The following CNBD1 variants were observed in gnomAD, a reference collection of about 807,000 sequenced individuals.
CNBD1 encodes cyclic nucleotide binding domain containing 1.
CNBD1 carries 71 observed loss-of-function variants against 54.4 expected under a neutral mutation model. The observed-to-expected ratio is 1.30, with a 90% confidence interval of 1.08 to 1.59. The LOEUF is 1.59. Among genes scored for constraint, CNBD1 ranks in the 40% most tolerant of loss-of-function variants. The pLI is 0.00. For synonymous variants in CNBD1, 182 were observed against 170.7 expected, an observed-to-expected ratio of 1.07 and a Z score of -0.51; for missense variants, 659 against 518.0, an observed-to-expected ratio of 1.27 and a Z score of -2.64.
At chr8:87,068,196 G>A (rs1810692066) in intron 4 of CNBD1, among the ~76,000 whole-genome samples, 5 of 152,090 alleles carry the variant, frequency 3.3e-5, no homozygotes, top group Admixed American at 2.6e-4. Flanking sequence ...GTAGATGAAT[G>A]TTATCTTACT....
chr8:87,356,582 G>A (rs1019337603), intron 10 of CNBD1, among the ~76,000 whole-genome samples: 1 of 151,830 alleles, frequency 6.6e-6, no homozygotes, highest in African/African-American at 2.4e-5. Flanking sequence ...ATTAGTGTGG[G>A]TGCATCCAAC....
Position 87,374,876 on chromosome 8 carries a change from GA to G in CNBD1, c.1304-7742del, listed in dbSNP as rs1810893691. 2.0e-5 allele frequency among the ~76,000 whole-genome samples: 3 copies of G among 151,812 alleles called. No individual in the cohort carries two copies. The South Asian group carries it at 6.2e-4, about 31-fold the overall frequency. ...TGTAAGTGACAAATAAACATTTGTT[GA>G]ATTAAGCAACCAAGATTTTAGTTTG... is the stretch of plus-strand genomic sequence containing the variant. On this transcript the variant is annotated intron_variant, in intron 10 of 10. Coordinates refer to ENST00000518476, the MANE Select transcript of CNBD1 (RefSeq NM_173538.3).
rs1397901235 is a variant in CNBD1 at position 86,882,398 on chromosome 8, G to A, written c.89-5144G>A. ...ACATTTCTCAAAAGAAGACATAAAT[G>A]TGGCCAACAATCATATGGAAAAAAG... On this transcript the variant is annotated intron_variant, in intron 1 of 10. Transcript: ENST00000518476. Among the ~76,000 whole-genome samples the A allele has an allele frequency of 2.0e-5, 3 of 152,238 alleles. No individual in the cohort carries two copies. In the East Asian group the frequency reaches 5.8e-4, roughly 29 times the overall value.
At chr8:87,357,914 G>A (rs942537441) in intron 10 of CNBD1, among the ~76,000 whole-genome samples, 1 of 152,090 alleles carries the variant, frequency 6.6e-6, no homozygotes, top group Non-Finnish European at 1.5e-5. Flanking sequence ...TAAAGGGCTT[G>A]GCTTCATCTT....
intron 4 of CNBD1, among the ~76,000 whole-genome samples, chr8:87,091,793 A>G (rs1483936709): frequency 1.5e-5 from 2 of 133,028 alleles, no homozygotes; most frequent in African/African-American, 6.5e-5. Flanking sequence ...GCAATTTTAC[A>G]TAAATTTTTT....
Position 87,031,477 on chromosome 8 carries a change from C to A in CNBD1, c.431+91723C>A, listed in dbSNP as rs537587076. On this transcript the variant is annotated intron_variant, in intron 4 of 10. Coordinates refer to ENST00000518476, the MANE Select transcript of CNBD1 (RefSeq NM_173538.3). ...ATTAGTGGCTAGAATTGAGAGAAGC[C>A]TATGCAAGCATTTTCCACTATTTTT... Among the ~76,000 whole-genome samples the A allele has an allele frequency of 3.3e-5, 5 of 152,094 alleles. No homozygotes were observed. The East Asian group carries it at 9.7e-4, about 29-fold the overall frequency.
chr8:87,138,442 C>A (rs1812303774), intron 4 of CNBD1, among the ~76,000 whole-genome samples: 1 of 152,190 alleles, frequency 6.6e-6, no homozygotes, highest in African/African-American at 2.4e-5. Flanking sequence ...AGAAACAAGG[C>A]AAATTCATTT....
chr8:87,373,384 G>A (rs1440060809), intron 10 of CNBD1, among the ~76,000 whole-genome samples: 3 of 151,782 alleles, frequency 2.0e-5, no homozygotes, highest in African/African-American at 7.2e-5. Context: ...CTGCTAGGCA[G>A]AATTTTTTAA....
At chr8:87,409,074 A>C (rs1323952208) in intron 2 of CNBD1, among the ~76,000 whole-genome samples, 1 of 152,156 alleles carries the variant, frequency 6.6e-6, no homozygotes, top group Non-Finnish European at 1.5e-5. Context: ...AAAATGTAGA[A>C]ATGATTAAGC....
In CNBD1 at chr8:87,322,373, C is replaced by T. The variant is rs1193845914; in HGVS notation, c.1043-29312C>T. 6.4e-4 allele frequency among the ~76,000 whole-genome samples: 76 copies of T among 118,636 alleles called. 1 individual carries two copies. The East Asian group carries it at 0.015, about 23-fold the overall frequency. The allele number at this position is 118,636 out of a possible 152,430, so 77.8% of individuals were successfully genotyped here. A position where few individuals can be genotyped will look rare whatever the true frequency, so the allele number is the denominator to read the frequency against. ...TTCTAGTTCTAGATCCCTGAGGAATCGCCACACTGACTTCCACAATGGTTG... is the reference window on the plus strand; with the variant it reads ...TTCTAGTTCTAGATCCCTGAGGAATTGCCACACTGACTTCCACAATGGTTG... On this transcript the variant is annotated intron_variant, in intron 8 of 10. Coordinates refer to ENST00000518476, the MANE Select transcript of CNBD1 (RefSeq NM_173538.3).
intron 10 of CNBD1, among the ~76,000 whole-genome samples, chr8:87,367,121 T>G (rs1483808617): frequency 6.6e-6 from 1 of 152,050 alleles, no homozygotes; most frequent in Admixed American, 6.6e-5. Flanking sequence ...ACACATGAGA[T>G]TATATGTGGC....
At position 87,410,269 on chromosome 8, in the gene CNBD1, G is replaced by A. The variant is rs188877874; in HGVS notation, c.214-18277G>A. On this transcript the variant is annotated intron_variant, in intron 2 of 7. Coordinates refer to the CNBD1 transcript ENST00000521593. ...AGCCCAAGGATTGAAAAGTAATTTC[G>A]ATTTTCAAGTCATATTATTTAAAAA... is the stretch of plus-strand genomic sequence containing the variant. Among the ~76,000 whole-genome samples, 346 of 152,176 alleles carry A rather than the reference G, an allele frequency of 2.3e-3. 5 individuals carry two copies. The highest frequency in any genetic ancestry group is 2.2e-3 in the Non-Finnish European group (149 of 67,988).
rs1366651347 is a variant in CNBD1 at position 87,369,848 on chromosome 8, G to A, written c.1304-12772G>A. Among the ~76,000 whole-genome samples the A allele has an allele frequency of 2.0e-5, 3 of 151,978 alleles. No homozygotes were observed. The East Asian group carries it at 5.9e-4, about 30-fold the overall frequency. ...CCATTAACTAGTCATTTAGCATTAGGTATATCTCCTATATGCTATCCCTCC... is the reference window on the plus strand; with the variant it reads ...CCATTAACTAGTCATTTAGCATTAGATATATCTCCTATATGCTATCCCTCC... On this transcript the variant is annotated intron_variant, in intron 10 of 10. Transcript: ENST00000518476.
intron 6 of CNBD1, among the ~76,000 whole-genome samples, chr8:87,245,779 AT>A (rs1259392923): frequency 1.2e-4 from 19 of 152,024 alleles, no homozygotes; most frequent in South Asian, 2.1e-4. Flanking sequence ...TAGTGATATA[AT>A]TTTTTAATAT....
intron 6 of CNBD1, among the ~76,000 whole-genome samples, chr8:87,237,678 T>C (rs1196016203): frequency 2.6e-5 from 4 of 152,114 alleles, no homozygotes; most frequent in Non-Finnish European, 5.9e-5. Flanking sequence ...GAGGTCTGAA[T>C]TGACTAGAAT....
chr8:87,316,235 A>G (rs1173794947), intron 8 of CNBD1, among the ~76,000 whole-genome samples: 1 of 152,062 alleles, frequency 6.6e-6, no homozygotes, highest in Non-Finnish European at 1.5e-5. Flanking sequence ...GACTCTTACC[A>G]ACGAATAGTA....
chr8:87,229,173 C>T (rs551765155), intron 5 of CNBD1, among the ~76,000 whole-genome samples: 39 of 152,284 alleles, frequency 2.6e-4, no homozygotes, highest in Non-Finnish European at 4.1e-4. Context: ...GAGATGAACC[C>T]GGTACCTCAG....
chr8:87,125,287 A>T (rs1414711026), intron 4 of CNBD1, among the ~76,000 whole-genome samples: 1 of 151,824 alleles, frequency 6.6e-6, no homozygotes, highest in Non-Finnish European at 1.5e-5. Context: ...AAAAAAATCA[A>T]TATTAAATTT....
chr8:87,363,140 G>T (rs762283563), intron 10 of CNBD1, among the ~76,000 whole-genome samples: 2 of 152,120 alleles, frequency 1.3e-5, no homozygotes, highest in Non-Finnish European at 2.9e-5. Context: ...TGCTGAAAAT[G>T]ATGGTTTCCA....
Sources: allele counts gnomAD v4.1 joint callset (sites outside exome capture counted in the v4.1 genomes callset), GRCh38; gene constraint gnomAD v4.1.1; transcripts MANE v1.5; gene names NCBI Gene and HGNC (gene_info 2026-07-23, HGNC 2026-07-21).